Variants in ZNF157 observed in about 807,000 individuals in gnomAD.
ZNF157 encodes zinc finger protein 157, also known as zinc finger protein 22.
ZNF157 carries 8 observed loss-of-function variants against 9.4 expected under a neutral mutation model. The ratio of observed to expected loss-of-function variants is 0.85; its 90% CI spans 0.50 to 1.53. The LOEUF is 1.53. Ranked by LOEUF, ZNF157 falls within the 40% of genes most tolerant of loss-of-function variation. The pLI is 0.00. For missense variants in ZNF157, 316 were observed against 385.2 expected (o/e 0.82, Z 1.50); for synonymous variants, 120 against 130.8 (o/e 0.92, Z 0.56).
intron 1 of ZNF157, among the ~76,000 whole-genome samples, chrX:47,405,765 A>T (rs1184683827): frequency 8.9e-6 from 1 of 112,076 alleles, no homozygotes; most frequent in Non-Finnish European, 1.9e-5. Flanking sequence ...CATACGTAAT[A>T]GTAATCAAAT....
chrX:47,385,636 T>G (rs2147404215), intron 1 of ZNF157, among the ~76,000 whole-genome samples: 1 of 108,595 alleles, frequency 9.2e-6, no homozygotes, highest in African/African-American at 3.3e-5. Context: ...GGCACGATCT[T>G]GGCTCACTGC....
chrX:47,414,401 T>G lies in ZNF157; in HGVS notation c.*807T>G, dbSNP rs2055976709. On this transcript the variant is annotated 3_prime_UTR_variant, in exon 4 of 4. Transcript: ENST00000377073. ...GGTTTTCCTTTCAACATTTAGAATT[T>G]TAATCTCCTGTGAGATTTTTTTGTT... The G allele has an allele frequency of 8.9e-6, 1 of 112,202 alleles. No homozygotes were observed. The highest frequency in any genetic ancestry group is 1.9e-5 in the Non-Finnish European group (1 of 53,332). 9.2% of individuals were successfully genotyped at this position (112,202 alleles called of 1,213,427 possible).
chrX:47,410,758 C>T lies in ZNF157; in HGVS notation c.278C>T (p.Ser93Leu), dbSNP rs760046535. 2 of 1,203,798 alleles carry T rather than the reference C, an allele frequency of 1.7e-6. No individual in the cohort carries two copies. Among genetic ancestry groups the T allele is most frequent in the Non-Finnish European group, 2.2e-6 (2 of 891,050 alleles). ...CTGTGGATATTAGAGGAGGAATCCTCAGGCCATGGTTACTCAGGTAAGTAC... is the reference window on the plus strand; with the variant it reads ...CTGTGGATATTAGAGGAGGAATCCTTAGGCCATGGTTACTCAGGTAAGTAC... Reference protein sequence around the residue: ...EELWILEEESSGHGYSGSLSL... With the variant: ...EELWILEEESLGHGYSGSLSL... The change falls in exon 3 of 4, where the codon TCA becomes TTA. Residue 93 changes from serine to leucine, a missense_variant. This residue lies in a region of ZNF157 where 146 missense variants were observed against 183.8 expected (regional missense o/e 0.79). Coordinates refer to ENST00000377073, the MANE Select transcript of ZNF157 (RefSeq NM_003446.4).
At chrX:47,382,782 A>C (rs1201915417) in intron 1 of ZNF157, among the ~76,000 whole-genome samples, 1 of 109,760 alleles carries the variant, frequency 9.1e-6, no homozygotes, top group Non-Finnish European at 1.9e-5. Context: ...TAGGCTTCAT[A>C]TGCAGGCCAT....
chrX:47,373,154 G>A (rs894861313), intron 1 of ZNF157, among the ~76,000 whole-genome samples: 6 of 109,457 alleles, frequency 5.5e-5, no homozygotes, highest in African/African-American at 1.7e-4. Context: ...AGCCGAGGTC[G>A]CACCACTGCA....
At chrX:47,411,370 C>A in intron 3 of ZNF157, among the ~76,000 whole-genome samples, 1 of 108,997 alleles carries the variant, frequency 9.2e-6, no homozygotes, top group Middle Eastern at 5.0e-3. Flanking sequence ...TTTTTTGAGA[C>A]AGAGTGTCTC....
intron 1 of ZNF157, among the ~76,000 whole-genome samples, chrX:47,407,138 G>A (rs1255226484): frequency 8.9e-6 from 1 of 111,971 alleles, no homozygotes; most frequent in Non-Finnish European, 1.9e-5. Flanking sequence ...TTAATATGGT[G>A]GATTATATTG....
intron 1 of ZNF157, among the ~76,000 whole-genome samples, chrX:47,404,633 A>G (rs2055941374): frequency 9.0e-6 from 1 of 111,378 alleles, no homozygotes; most frequent in African/African-American, 3.3e-5. Flanking sequence ...AAAAGCCTGC[A>G]TTATCTATAT....
chrX:47,380,757 T>A (rs1445268798), intron 1 of ZNF157, among the ~76,000 whole-genome samples: 1 of 93,923 alleles, frequency 1.1e-5, no homozygotes, highest in Non-Finnish European at 2.1e-5. Context: ...ATTTTTCTTT[T>A]TTATTATTAT....
chrX:47,383,357 G>A (rs1320516898), intron 1 of ZNF157, among the ~76,000 whole-genome samples: 2 of 74,823 alleles, frequency 2.7e-5, no homozygotes, highest in African/African-American at 5.0e-5. Context: ...GGGTGACAGA[G>A]AGGGACTCAG....
At chrX:47,384,114 T>TAAA (rs57138656) in intron 1 of ZNF157, among the ~76,000 whole-genome samples, 3,322 of 99,862 alleles carry the variant, frequency 0.033, 165 homozygotes, top group African/African-American at 0.12. Context: ...TACTGAAAAT[T>TAAA]AAAAAAAAAA....
intron 1 of ZNF157, among the ~76,000 whole-genome samples, chrX:47,406,551 T>G (rs767902850): frequency 9.0e-6 from 1 of 110,880 alleles, no homozygotes; most frequent in South Asian, 3.8e-4. Context: ...TTTTAAAAAT[T>G]TTTAGTAGAG....
chrX:47,383,922 G>T (rs900594218), intron 1 of ZNF157, among the ~76,000 whole-genome samples: 1 of 109,946 alleles, frequency 9.1e-6, no homozygotes, highest in Non-Finnish European at 1.9e-5. Context: ...ATATAGAAAT[G>T]TAACAGTTGA....
At chrX:47,407,530 C>A (rs1353899535) in intron 1 of ZNF157, among the ~76,000 whole-genome samples, 1 of 111,648 alleles carries the variant, frequency 9.0e-6, no homozygotes, top group African/African-American at 3.2e-5. Context: ...ATTCAGTTGT[C>A]TGTTTCTCTT....
At position 47,407,409 on chromosome X, in the gene ZNF157, G is replaced by A. The variant is rs190931276; in HGVS notation, c.73-2867G>A. On this transcript the variant is annotated intron_variant, in intron 1 of 3. Transcript: ENST00000377073. ...GGAAGAGGAAAGACTGTATAGAATTGATGTATTCCTTAAATATTTGGTAGA... is the reference window on the plus strand; with the variant it reads ...GGAAGAGGAAAGACTGTATAGAATTAATGTATTCCTTAAATATTTGGTAGA... Among the ~76,000 whole-genome samples, 12 of 112,188 alleles carry A rather than the reference G, an allele frequency of 1.1e-4. No homozygotes were observed. In the East Asian group the frequency reaches 3.3e-3, roughly 31 times the overall value.
chrX:47,408,134 C>T lies in ZNF157; in HGVS notation c.73-2142C>T, dbSNP rs774523164. On this transcript the variant is annotated intron_variant, in intron 1 of 3. Coordinates refer to ENST00000377073, the MANE Select transcript of ZNF157 (RefSeq NM_003446.4). ...TTTTTTTTTTTTAGACGGAGTTTCACTCTTGTCACCCAGGCTAGAGTGCAA... is the reference window on the plus strand; with the variant it reads ...TTTTTTTTTTTTAGACGGAGTTTCATTCTTGTCACCCAGGCTAGAGTGCAA... 5.5e-5 allele frequency among the ~76,000 whole-genome samples: 6 copies of T among 109,521 alleles called. No homozygotes were observed. The South Asian group carries it at 1.6e-3, about 28-fold the overall frequency.
At chrX:47,391,182 T>G (rs747666663) in intron 1 of ZNF157, 2 of 111,228 alleles carry the variant, frequency 1.8e-5, no homozygotes, top group African/African-American at 6.5e-5. Context: ...TCAGGAGAGG[T>G]AGGTGGTGTA....
At chrX:47,403,365 C>G (rs896808398) in intron 1 of ZNF157, among the ~76,000 whole-genome samples, 3 of 110,666 alleles carry the variant, frequency 2.7e-5, no homozygotes, top group African/African-American at 9.8e-5. Context: ...TGGGGTCTCA[C>G]TCTTGTCACC....
intron 1 of ZNF157, chrX:47,388,597 G>A (rs2055887245): frequency 1.7e-5 from 2 of 117,041 alleles, no homozygotes; most frequent in Middle Eastern, 3.1e-3. Flanking sequence ...GATTACAGGT[G>A]TGAGCCACTG....
Sources: allele counts gnomAD v4.1 joint callset (sites outside exome capture counted in the v4.1 genomes callset), GRCh38; gene constraint gnomAD v4.1.1; regional missense constraint gnomAD v4.1.1; transcripts MANE v1.5; gene names NCBI Gene and HGNC (gene_info 2026-07-23, HGNC 2026-07-21).